SPPL2A: variants seen among roughly 807,000 people sequenced by gnomAD.
The protein encoded by SPPL2A is signal peptide peptidase like 2A.
Under a neutral mutation model 63.8 loss-of-function variants are expected in SPPL2A, and 51 were observed. The ratio of observed to expected loss-of-function variants is 0.80; its 90% confidence interval spans 0.64 to 1.01. The LOEUF is 1.01. Ranked by LOEUF, SPPL2A falls within the 50% of genes least tolerant of loss-of-function variation. SPPL2A has a pLI of 0.00. For missense variants in SPPL2A, 553 were observed against 622.7 expected (o/e 0.89, Z 1.19); for synonymous variants, 188 against 205.8 (o/e 0.91, Z 0.74).
At chr15:50,722,780 AT>A (rs1323481636) in intron 12 of SPPL2A, among the ~76,000 whole-genome samples, 2 of 152,234 alleles carry the variant, frequency 1.3e-5, no homozygotes, top group African/African-American at 4.8e-5. Context: ...AAAATTTATC[AT>A]TAAAAAATAT....
intron 10 of SPPL2A, among the ~76,000 whole-genome samples, chr15:50,728,634 C>G (rs956683003): frequency 1.4e-5 from 2 of 147,258 alleles, no homozygotes; most frequent in East Asian, 2.1e-4. Flanking sequence ...GCGTGAACCA[C>G]TGCGCTCGGC....
intron 12 of SPPL2A, among the ~76,000 whole-genome samples, chr15:50,723,564 C>A (rs1378406702): frequency 6.6e-6 from 1 of 152,150 alleles, no homozygotes; most frequent in African/African-American, 2.4e-5. Context: ...CAACCTCTGC[C>A]TCCTGGGTTC....
intron 1 of SPPL2A, among the ~76,000 whole-genome samples, chr15:50,751,828 T>C (rs2062909113): frequency 6.6e-6 from 1 of 152,138 alleles, no homozygotes; most frequent in Non-Finnish European, 1.5e-5. Context: ...TTTTTTCTTT[T>C]GTTTGTTTTT....
At chr15:50,720,520 T>TTC (rs1337508792) in intron 13 of SPPL2A, among the ~76,000 whole-genome samples, 1 of 148,950 alleles carries the variant, frequency 6.7e-6, no homozygotes, top group East Asian at 1.9e-4. Context: ...AACTTTTCTT[T>TTC]TTTTTTTTTT....
chr15:50,707,102 C>T lies in SPPL2A; in HGVS notation c.*698G>A, dbSNP rs12911654. ...GCATGGTGTTAAACAGTTATTTCTACAGAGCAGATATAATTTGCATAAATC... is the reference window on the plus strand; with the variant it reads ...GCATGGTGTTAAACAGTTATTTCTATAGAGCAGATATAATTTGCATAAATC... On this transcript the variant is annotated 3_prime_UTR_variant, in exon 15 of 15. Coordinates refer to ENST00000261854, the MANE Select transcript of SPPL2A (RefSeq NM_032802.4). 0.096 allele frequency: 14,583 copies of T among 152,224 alleles called. 788 individuals carry two copies. Among genetic ancestry groups the T allele is most frequent in the South Asian group, 0.15 (729 of 4,828 alleles). 9.4% of individuals were successfully genotyped at this position (152,224 alleles called of 1,614,324 possible). A position where few individuals can be genotyped will look rare whatever the true frequency, so the allele number is the denominator to read the frequency against.
At chr15:50,763,028 C>T (rs1352971394) in intron 1 of SPPL2A, among the ~76,000 whole-genome samples, 3 of 151,942 alleles carry the variant, frequency 2.0e-5, no homozygotes, top group Non-Finnish European at 2.9e-5. Context: ...CAGGCGTGAG[C>T]CACCACGCCC....
intron 1 of SPPL2A, among the ~76,000 whole-genome samples, chr15:50,754,105 T>G (rs2062933811): frequency 6.6e-6 from 1 of 152,192 alleles, no homozygotes; most frequent in African/African-American, 2.4e-5. Flanking sequence ...ACTTCTTTCT[T>G]TCTTAAAAGA....
At chr15:50,746,436 CAA>C (rs71127139) in intron 5 of SPPL2A, among the ~76,000 whole-genome samples, 45 of 87,046 alleles carry the variant, frequency 5.2e-4, no homozygotes, top group Non-Finnish European at 5.4e-4. Flanking sequence ...GACTCTGTAT[CAA>C]AAAAAAAAAA....
Position 50,703,357 on chromosome 15 carries a change from T to TATATA in SPPL2A, c.*4442_*4443insTATAT, listed in dbSNP as rs1491091833. 1.6e-4 allele frequency: 9 copies of TATATA among 58,064 alleles called. No homozygotes were observed. Among genetic ancestry groups the TATATA allele is most frequent in the East Asian group, 5.0e-4 (1 of 1,994 alleles). 3.6% of individuals were successfully genotyped at this position (58,064 alleles called of 1,614,324 possible). On this transcript the variant is annotated 3_prime_UTR_variant, in exon 15 of 15. Transcript: ENST00000261854. ...ATATATATATATATACATATATATATTTTTTTTTTTTTTTTTTTTTTTTGA... is the reference window on the plus strand; with the variant it reads ...ATATATATATATATACATATATATATATATATTTTTTTTTTTTTTTTTTTTTTTGA...
At chr15:50,741,228 A>G (rs1456756645) in intron 5 of SPPL2A, among the ~76,000 whole-genome samples, 2 of 152,150 alleles carry the variant, frequency 1.3e-5, no homozygotes, top group Admixed American at 1.3e-4. Context: ...ATACTTTTCA[A>G]CAACTCTGTT....
rs1345465446 is a variant in SPPL2A, at chr15:50,702,986, G to A, written c.*4814C>T. The A allele has an allele frequency of 1.3e-5, 2 of 151,930 alleles. No individual in the cohort carries two copies. Among genetic ancestry groups the A allele is most frequent in the Admixed American group, 6.6e-5 (1 of 15,236 alleles). 9.4% of individuals were successfully genotyped at this position (151,930 alleles called of 1,614,324 possible). ...CAAATTCCAAAAGGTTGAGTAATTTGATTCAGATCTCTTGAATTTACAGAG... is the reference window on the plus strand; with the variant it reads ...CAAATTCCAAAAGGTTGAGTAATTTAATTCAGATCTCTTGAATTTACAGAG... On this transcript the variant is annotated 3_prime_UTR_variant, in exon 15 of 15. Coordinates refer to ENST00000261854, the MANE Select transcript of SPPL2A (RefSeq NM_032802.4).
At chr15:50,756,576 A>G (rs968483180) in intron 1 of SPPL2A, among the ~76,000 whole-genome samples, 1 of 151,932 alleles carries the variant, frequency 6.6e-6, no homozygotes, top group African/African-American at 2.4e-5. Flanking sequence ...TTCTTTTAGT[A>G]AAAAGTTTAG....
At chr15:50,754,659 G>T (rs2062939319) in intron 1 of SPPL2A, among the ~76,000 whole-genome samples, 1 of 152,146 alleles carries the variant, frequency 6.6e-6, no homozygotes, top group African/African-American at 2.4e-5. Flanking sequence ...AGTAATTAAA[G>T]CCAAAGACTT....
At chr15:50,718,178 C>T (rs1368624114) in intron 14 of SPPL2A, among the ~76,000 whole-genome samples, 1 of 151,742 alleles carries the variant, frequency 6.6e-6, no homozygotes, top group East Asian at 1.9e-4. Flanking sequence ...GGAGTTTCAC[C>T]GTGTTAGCCA....
chr15:50,727,570 G>A (rs1177967524), intron 10 of SPPL2A, among the ~76,000 whole-genome samples: 2 of 152,054 alleles, frequency 1.3e-5, no homozygotes, highest in African/African-American at 2.4e-5. Flanking sequence ...AAAGATACCC[G>A]AGTAACTACT....
Position 50,748,130 on chromosome 15 carries a change from A to T in SPPL2A, c.433T>A (p.Phe145Ile). 2 of 1,453,680 alleles carry T rather than the reference A, an allele frequency of 1.4e-6. No individual in the cohort carries two copies. The highest frequency in any genetic ancestry group is 1.9e-6 in the Non-Finnish European group (2 of 1,078,656). 90.0% of individuals were successfully genotyped at this position (1,453,680 alleles called of 1,614,324 possible). Residue 145 changes from phenylalanine (F) to isoleucine (I), a missense_variant, in exon 4 of 15, where the codon TTT (phenylalanine) becomes ATT (isoleucine). Phe to Ile is a conservative substitution (Grantham distance 21, BLOSUM62 0). Transcript: ENST00000261854. ...ILIAFISYKD[F>I]RDMNQTLGDN... ...TAATTTACCTGGTTCATATCTCTAAAGTCTTTGTAGCTTATAAATGCAATC... is the reference window on the plus strand; with the variant it reads ...TAATTTACCTGGTTCATATCTCTAATGTCTTTGTAGCTTATAAATGCAATC...
intron 14 of SPPL2A, among the ~76,000 whole-genome samples, chr15:50,711,090 G>T (rs530691960): frequency 3.5e-4 from 54 of 152,190 alleles, no homozygotes; most frequent in South Asian, 1.0e-3. Flanking sequence ...TCAAATAAGT[G>T]GGTCTGAGTA....
chr15:50,756,278 G>A lies in SPPL2A; in HGVS notation c.67-6532C>T, dbSNP rs538923964. On this transcript the variant is annotated intron_variant, in intron 1 of 14. Transcript: ENST00000261854. ...CTGGAGGCTGAGGCAGGAGAATGGCGTGAATCTGGGAGGCGGAGCTTGCAG... is the reference window on the plus strand; with the variant it reads ...CTGGAGGCTGAGGCAGGAGAATGGCATGAATCTGGGAGGCGGAGCTTGCAG... 1.1e-3 allele frequency among the ~76,000 whole-genome samples: 164 copies of A among 149,780 alleles called. 1 individual carries two copies. The highest frequency in any genetic ancestry group is 1.5e-3 in the Admixed American group (22 of 14,862).
At chr15:50,709,106 A>T (rs555541905) in intron 14 of SPPL2A, among the ~76,000 whole-genome samples, 3 of 152,262 alleles carry the variant, frequency 2.0e-5, no homozygotes, top group South Asian at 4.1e-4. Context: ...ATATTCTCAT[A>T]AAAAATTGTC....
Sources: allele counts gnomAD v4.1 joint callset (sites outside exome capture counted in the v4.1 genomes callset), GRCh38; gene constraint gnomAD v4.1.1; transcripts MANE v1.5; gene names NCBI Gene and HGNC (gene_info 2026-07-23, HGNC 2026-07-21).